Variants in JARID2 observed in about 807,000 individuals in gnomAD.
JARID2 encodes the protein protein Jumonji.
Under a neutral mutation model 125.6 loss-of-function variants are expected in JARID2, and 21 were observed. The ratio of observed to expected loss-of-function variants is 0.17; its 90% CI spans 0.12 to 0.24. The LOEUF is 0.24. JARID2 is among the 10% of genes least tolerant of loss of function. The pLI is 1.00. For synonymous variants in JARID2, 736 were observed against 661.6 expected, an observed-to-expected ratio of 1.11 and a Z score of -1.73; for missense variants, 1,303 against 1,639.6, an observed-to-expected ratio of 0.79 and a Z score of 3.55.
At chr6:15,387,730 C>T (rs1041277431) in intron 2 of JARID2, among the ~76,000 whole-genome samples, 1 of 152,098 alleles carries the variant, frequency 6.6e-6, no homozygotes, top group Non-Finnish European at 1.5e-5. Context: ...CCTGGTAAGT[C>T]AGGAAACCCT....
At chr6:15,378,509 C>G (rs1000533121) in intron 2 of JARID2, among the ~76,000 whole-genome samples, 6 of 152,086 alleles carry the variant, frequency 3.9e-5, no homozygotes, top group South Asian at 2.1e-4. Flanking sequence ...TCTCAGAGAT[C>G]TGTAAACTGA....
chr6:15,350,783 A>G lies in JARID2; in HGVS notation c.46-23334A>G, dbSNP rs375891749. On this transcript the variant is annotated intron_variant, in intron 1 of 17. Transcript: ENST00000341776. ...AAAGGCATAGAAACTGAGTGGCAGC[A>G]GGCTGTACATTTGATTTTAGTGAAA... Among the ~76,000 whole-genome samples the G allele has an allele frequency of 9.5e-5, 14 of 147,694 alleles. No individual in the cohort carries two copies. The East Asian group carries it at 2.0e-3, about 21-fold the overall frequency.
chr6:15,426,927 A>G (rs774993174), intron 3 of JARID2, among the ~76,000 whole-genome samples: 11 of 152,176 alleles, frequency 7.2e-5, no homozygotes, highest in Non-Finnish European at 1.0e-4. Context: ...TGGCCTGAGT[A>G]ATGGGGGGTA....
At chr6:15,261,234 G>A (rs1033300548) in intron 1 of JARID2, among the ~76,000 whole-genome samples, 3 of 152,036 alleles carry the variant, frequency 2.0e-5, no homozygotes, top group East Asian at 1.9e-4. Flanking sequence ...CTTTGCTCAG[G>A]CATTAACAGC....
At chr6:15,467,980 C>G (rs975870004) in intron 4 of JARID2, among the ~76,000 whole-genome samples, 3 of 152,086 alleles carry the variant, frequency 2.0e-5, no homozygotes, top group African/African-American at 7.2e-5. Flanking sequence ...TTACTTAGTG[C>G]AGCGTGGGAA....
chr6:15,425,724 T>C (rs560597741), intron 3 of JARID2, among the ~76,000 whole-genome samples: 1 of 152,334 alleles, frequency 6.6e-6, no homozygotes, highest in African/African-American at 2.4e-5. Context: ...ATTTCTGTTC[T>C]TTATATGTTA....
intron 3 of JARID2, among the ~76,000 whole-genome samples, chr6:15,427,685 C>A (rs1331085819): frequency 3.3e-5 from 5 of 152,094 alleles, no homozygotes; most frequent in African/African-American, 7.2e-5. Context: ...CAGTTTCTGA[C>A]CCTCCTGGGA....
chr6:15,300,226 T>A (rs1761556053), intron 1 of JARID2, among the ~76,000 whole-genome samples: 1 of 152,238 alleles, frequency 6.6e-6, no homozygotes, highest in South Asian at 2.1e-4. Flanking sequence ...TTTTTAATTC[T>A]TTGACCACAG....
chr6:15,487,589 CCACTT>C (rs755815386), intron 6 of JARID2, 47 bp downstream of exon 6: 45 of 1,452,308 alleles, frequency 3.1e-5, no homozygotes, highest in Non-Finnish European at 6.5e-6. Context: ...CCCCAGTTTC[CCACTT>C]CACTTCACCA....
In JARID2 at chr6:15,439,221, C is replaced by A. The variant is rs528178410; in HGVS notation, c.324-12785C>A. Among the ~76,000 whole-genome samples, 3 of 152,194 alleles carry A rather than the reference C, an allele frequency of 2.0e-5. No individual in the cohort carries two copies. The South Asian group carries it at 6.2e-4, about 32-fold the overall frequency. ...AAAAGATAAGATTTTGGACATTGCT[C>A]ATTTAAGAAGTTTTTAGCTGAAAAA... On this transcript the variant is annotated intron_variant, in intron 3 of 17. Coordinates refer to ENST00000341776, the MANE Select transcript of JARID2 (RefSeq NM_004973.4).
At chr6:15,451,651 A>G (rs748610493) in intron 3 of JARID2, among the ~76,000 whole-genome samples, 1 of 152,214 alleles carries the variant, frequency 6.6e-6, no homozygotes, top group Admixed American at 6.5e-5. Flanking sequence ...CTTTACTGTC[A>G]GTGGAAATAA....
chr6:15,453,825 T>C (rs1011059161), intron 4 of JARID2, among the ~76,000 whole-genome samples: 1 of 151,990 alleles, frequency 6.6e-6, no homozygotes, highest in African/African-American at 2.4e-5. Flanking sequence ...TGTTCCAGGC[T>C]CATGGTGTAC....
At chr6:15,508,550 C>T in intron 12 of JARID2, 96 bp downstream of exon 12, 1 of 734,554 alleles carries the variant, frequency 1.4e-6, no homozygotes, top group South Asian at 1.5e-5. Context: ...CAGGTGGTTC[C>T]ACGTGCTTGA....
chr6:15,300,503 G>A (rs991778116), intron 1 of JARID2, among the ~76,000 whole-genome samples: 2 of 152,094 alleles, frequency 1.3e-5, no homozygotes, highest in African/African-American at 2.4e-5. Context: ...GTAATAAACT[G>A]TACCCGTAAT....
intron 4 of JARID2, among the ~76,000 whole-genome samples, chr6:15,452,877 A>C (rs971941520): frequency 2.0e-5 from 3 of 152,242 alleles, no homozygotes; most frequent in Admixed American, 1.3e-4. Context: ...AAATTTAGGA[A>C]GTCCTGAATG....
intron 1 of JARID2, among the ~76,000 whole-genome samples, chr6:15,267,109 G>T (rs1194114495): frequency 6.6e-6 from 1 of 152,164 alleles, no homozygotes; most frequent in Non-Finnish European, 1.5e-5. Context: ...CAACTTACTG[G>T]ATGGCAAACA....
At chr6:15,483,833 G>A (rs1240108057) in intron 5 of JARID2, among the ~76,000 whole-genome samples, 1 of 152,128 alleles carries the variant, frequency 6.6e-6, no homozygotes, top group African/African-American at 2.4e-5. Flanking sequence ...TATCTGAAAA[G>A]GAGAAACCAT....
rs977012384 is a variant in JARID2, at chr6:15,520,443, C to G, written c.*192C>G. 17 of 486,684 alleles carry G rather than the reference C, an allele frequency of 3.5e-5. No individual in the cohort carries two copies. Among genetic ancestry groups the G allele is most frequent in the African/African-American group, 3.4e-4 (17 of 50,188 alleles). 30.1% of individuals were successfully genotyped at this position (486,684 alleles called of 1,614,324 possible). ...TTTTTGTACTTAGAAAACCTAGATA[C>G]TGCAGTCAGATTTTGGAAACTGCCG... On this transcript the variant is annotated 3_prime_UTR_variant, in exon 18 of 18. Coordinates refer to ENST00000341776, the MANE Select transcript of JARID2 (RefSeq NM_004973.4).
At chr6:15,354,928 T>TTTCA (rs1014971862) in intron 1 of JARID2, among the ~76,000 whole-genome samples, 2 of 152,094 alleles carry the variant, frequency 1.3e-5, no homozygotes, top group Admixed American at 6.6e-5. Context: ...GGGAGGTGAA[T>TTTCA]TTCAGGTGGG....
Sources: gnomAD v4.1 joint callset for allele counts (sites outside exome capture counted in the v4.1 genomes callset) on GRCh38, gnomAD v4.1.1 for gene constraint, MANE v1.5 for transcripts, NCBI Gene and HGNC (gene_info 2026-07-23, HGNC 2026-07-21) for gene names.